The following ZNF787 variants were observed in gnomAD, a reference collection of about 807,000 sequenced individuals.
The protein encoded by ZNF787 is TTF-I-interacting peptide 20.
Under a neutral mutation model 16.9 loss-of-function variants are expected in ZNF787, and 7 were observed. The observed-to-expected ratio is 0.42, with a 90% confidence interval of 0.24 to 0.78. ZNF787 has a LOEUF of 0.78. Ranked by LOEUF, ZNF787 falls within the 30% of genes least tolerant of loss-of-function variation. The pLI, the probability that ZNF787 is intolerant of heterozygous loss-of-function variation, is 0.30. For missense variants in ZNF787, 551 were observed against 589.3 expected (o/e 0.94, Z 0.67); for synonymous variants, 345 against 270.9 (o/e 1.27, Z -2.69).
chr19:56,109,273 C>T (rs1568533322), intron 1 of ZNF787, among the ~76,000 whole-genome samples: 2 of 152,266 alleles, frequency 1.3e-5, no homozygotes, highest in African/African-American at 4.8e-5. Context: ...GTGAAGGCGA[C>T]GGCACAGAAC....
chr19:56,088,018 C>A lies in ZNF787; in HGVS notation c.*5G>T. Reference sequence around the variant, plus strand: ...CCTGCCCGCCCCCCCCCCCGGGCCCCTCCCCTACCGGCCCTCCCCACCGCG... The same window carrying A: ...CCTGCCCGCCCCCCCCCCCGGGCCCATCCCCTACCGGCCCTCCCCACCGCG... On this transcript the variant is annotated 3_prime_UTR_variant, in exon 3 of 3. Coordinates refer to ENST00000610935, the MANE Select transcript of ZNF787 (RefSeq NM_001002836.4). This position sits in a 1 kb window ranked among gnomAD's most constrained non-coding sequence, Gnocchi z 8.6. 8.2e-7 allele frequency: 1 copy of A among 1,217,298 alleles called. No homozygotes were observed. Among genetic ancestry groups the A allele is most frequent in the Non-Finnish European group, 1.0e-6 (1 of 975,302 alleles). The allele number at this position is 1,217,298 out of a possible 1,614,324, so 75.4% of individuals were successfully genotyped here. A position where few individuals can be genotyped will look rare whatever the true frequency, so the allele number is the denominator to read the frequency against.
At chr19:56,118,871 T>C (rs1028947796) in intron 1 of ZNF787, among the ~76,000 whole-genome samples, 72 of 152,126 alleles carry the variant, frequency 4.7e-4, no homozygotes, top group African/African-American at 1.7e-3. Context: ...GCTGGTGGCC[T>C]TGAGCTGTGA....
At position 56,088,247 on chromosome 19, in the gene ZNF787, C is replaced by T. The variant is rs752812326; in HGVS notation, c.925G>A (p.Ala309Thr). The change falls in exon 3 of 3, where the codon GCG becomes ACG. Residue 309 changes from alanine (A) to threonine (T), a missense_variant. Physicochemically the swap from Ala to Thr is moderately conservative, Grantham distance 58 (BLOSUM62 0). Coordinates refer to ENST00000610935, the MANE Select transcript of ZNF787 (RefSeq NM_001002836.4). This position sits in a 1 kb window ranked among gnomAD's most constrained non-coding sequence, Gnocchi z 8.6. ...QRAQHGDGLGAAGGEEPAHIC... is the reference protein window; with the variant it reads ...QRAQHGDGLGTAGGEEPAHIC... ...TGGGCCGGCTCCTCGCCCCCCGCCGCCCCGAGCCCGTCCCCGTGCTGGGCC... is the reference window on the plus strand; with the variant it reads ...TGGGCCGGCTCCTCGCCCCCCGCCGTCCCGAGCCCGTCCCCGTGCTGGGCC... 6.8e-7 allele frequency: 1 copy of T among 1,471,800 alleles called. No individual in the cohort carries two copies. The highest frequency in any genetic ancestry group is 9.0e-7 in the Non-Finnish European group (1 of 1,115,512). 91.2% of individuals were successfully genotyped at this position (1,471,800 alleles called of 1,614,324 possible). A position where few individuals can be genotyped will look rare whatever the true frequency, so the allele number is the denominator to read the frequency against.
rs1985290779 is a variant in ZNF787, at chr19:56,087,461, C to G, written c.*562G>C. The G allele has an allele frequency of 6.6e-6, 1 of 152,326 alleles. No homozygotes were observed. Among genetic ancestry groups the G allele is most frequent in the Admixed American group, 6.5e-5 (1 of 15,288 alleles). The allele number at this position is 152,326 out of a possible 1,614,324, so 9.4% of individuals were successfully genotyped here. ...GCACCCGCCTCCTGCGGCGCTGCCT[C>G]TGCTACCCGGAATCCAGGAGGGGAA... On this transcript the variant is annotated 3_prime_UTR_variant, in exon 3 of 3. Transcript: ENST00000610935.
intron 1 of ZNF787, among the ~76,000 whole-genome samples, chr19:56,116,257 C>T (rs925693745): frequency 5.9e-5 from 9 of 152,024 alleles, no homozygotes; most frequent in Non-Finnish European, 1.3e-4. Flanking sequence ...CTGGCTAACA[C>T]GGTGAAACCC....
intron 1 of ZNF787, among the ~76,000 whole-genome samples, chr19:56,112,199 G>A (rs1350375851): frequency 2.0e-5 from 3 of 152,154 alleles, no homozygotes; most frequent in Non-Finnish European, 2.9e-5. Flanking sequence ...AGCTCCCTAG[G>A]AGAAGGCCCC....
chr19:56,118,643 T>G (rs73934682), intron 1 of ZNF787, among the ~76,000 whole-genome samples: 3,494 of 152,272 alleles, frequency 0.023, 121 homozygotes, highest in African/African-American at 0.08. Flanking sequence ...GCCAGGTTCC[T>G]GCAAAGTGTG....
intron 2 of ZNF787, among the ~76,000 whole-genome samples, chr19:56,096,334 G>T (rs999428248): frequency 6.6e-6 from 1 of 152,162 alleles, no homozygotes; most frequent in African/African-American, 2.4e-5. Flanking sequence ...TGGAAGGACA[G>T]CTTGAGCCCA....
rs555695547 is a variant in ZNF787 at position 56,088,221 on chromosome 19, G to A, written c.951C>T (p.His317=). The change falls in exon 3 of 3, where the codon CAC becomes CAT. Residue 317 remains histidine (H), a synonymous_variant. Coordinates refer to ENST00000610935, the MANE Select transcript of ZNF787 (RefSeq NM_001002836.4). The surrounding 1 kb of genome is among the most constrained non-coding windows in gnomAD (Gnocchi z 8.6). ...AGCCCTCCCCGCACTCCACGCAGAT[G>A]TGGGCCGGCTCCTCGCCCCCCGCCG... ...LGAAGGEEPA[H]ICVECGEGFV... 1.7e-5 allele frequency: 25 copies of A among 1,514,820 alleles called. No homozygotes were observed. The East Asian group carries it at 1.7e-4, about 10-fold the overall frequency. 93.8% of individuals were successfully genotyped at this position (1,514,820 alleles called of 1,614,324 possible). A position where few individuals can be genotyped will look rare whatever the true frequency, so the allele number is the denominator to read the frequency against.
intron 2 of ZNF787, among the ~76,000 whole-genome samples, chr19:56,099,802 G>C (rs1467054265): frequency 2.0e-5 from 3 of 152,122 alleles, no homozygotes; most frequent in Admixed American, 6.5e-5. Context: ...ACGCAGGCTG[G>C]GGGCCGTGTC....
intron 2 of ZNF787, among the ~76,000 whole-genome samples, chr19:56,094,449 C>A (rs368992023): frequency 6.8e-4 from 103 of 151,190 alleles, no homozygotes; most frequent in African/African-American, 2.5e-3. Context: ...GCTGGGATTA[C>A]AAGCATGAGC....
At chr19:56,094,562 A>G (rs920809053) in intron 2 of ZNF787, among the ~76,000 whole-genome samples, 3 of 151,208 alleles carry the variant, frequency 2.0e-5, no homozygotes, top group African/African-American at 7.3e-5. Context: ...TTCCTTCTAC[A>G]TTAGTCTTCA....
intron 2 of ZNF787, among the ~76,000 whole-genome samples, chr19:56,101,449 AG>A (rs1986095934): frequency 6.6e-6 from 1 of 152,258 alleles, no homozygotes; most frequent in South Asian, 2.1e-4. Context: ...GGGCTGGACA[AG>A]GGGACCTGAC....
chr19:56,097,524 A>G (rs1022966204), intron 2 of ZNF787, among the ~76,000 whole-genome samples: 3 of 152,236 alleles, frequency 2.0e-5, no homozygotes, highest in Non-Finnish European at 4.4e-5. Context: ...AGTAGGATGG[A>G]CTGCGTGGAC....
At chr19:56,108,629 C>G (rs2029894161) in intron 1 of ZNF787, among the ~76,000 whole-genome samples, 1 of 151,996 alleles carries the variant, frequency 6.6e-6, no homozygotes, top group African/African-American at 2.4e-5. Context: ...CCCATGTGGT[C>G]CCTAGCACCC....
intron 2 of ZNF787, among the ~76,000 whole-genome samples, chr19:56,092,018 CG>C (rs1985613225): frequency 5.7e-5 from 1 of 17,504 alleles, no homozygotes; most frequent in South Asian, 0.017. Context: ...AAGCCGAAAC[CG>C]AAGCCGAAGC....
At chr19:56,103,318 C>T (rs534414795) in intron 1 of ZNF787, 91 bp from the exon 2 acceptor site, 72 of 1,156,928 alleles carry the variant, frequency 6.2e-5, no homozygotes, top group East Asian at 1.8e-4. Flanking sequence ...CAGACCCCGG[C>T]GTGACAGGCA....
rs918821476 is a variant in ZNF787, at chr19:56,087,725, C to T, written c.*298G>A. The T allele has an allele frequency of 1.2e-5, 3 of 260,608 alleles. No homozygotes were observed. The highest frequency in any genetic ancestry group is 2.3e-5 in the African/African-American group (1 of 44,112). The allele number at this position is 260,608 out of a possible 1,614,324, so 16.1% of individuals were successfully genotyped here. On this transcript the variant is annotated 3_prime_UTR_variant, in exon 3 of 3. Coordinates refer to ENST00000610935, the MANE Select transcript of ZNF787 (RefSeq NM_001002836.4). The stretch of plus-strand genomic sequence containing the variant: ...AGGGAAAATGGCCTTCCGCTTGGGG[C>T]CTGGTCGCCACTCGGCCTCTGCAGT...
At chr19:56,115,979 G>A (rs478402) in intron 1 of ZNF787, among the ~76,000 whole-genome samples, 138,898 of 152,132 alleles carry the variant, frequency 0.91, 64,113 homozygotes, top group Non-Finnish European at 0.99. Context: ...TATGGACTCT[G>A]GGTGATCATC....
Sources: allele counts gnomAD v4.1 joint callset (sites outside exome capture counted in the v4.1 genomes callset), GRCh38; gene constraint gnomAD v4.1.1; non-coding constraint Gnocchi (gnomAD v3.1); transcripts MANE v1.5; gene names NCBI Gene and HGNC (gene_info 2026-07-23, HGNC 2026-07-21).